PBX1: variants seen among roughly 807,000 people sequenced by gnomAD.
The protein encoded by PBX1 is PBX homeobox 1, also known as pre-B-cell leukemia transcription factor 1.
PBX1 carries 6 observed loss-of-function variants against 53.4 expected under a neutral mutation model. The observed-to-expected ratio is 0.11, with a 90% CI of 0.06 to 0.22. The LOEUF is 0.22. Ranked by LOEUF, PBX1 falls within the 10% of genes least tolerant of loss-of-function variation. The pLI, the probability that PBX1 is intolerant of heterozygous loss-of-function variation, is 1.00. For missense variants in PBX1, 251 were observed against 551.4 expected, an observed-to-expected ratio of 0.46 and a Z score of 5.46; for synonymous variants, 204 against 212.3, an observed-to-expected ratio of 0.96 and a Z score of 0.34.
intron 2 of PBX1, among the ~76,000 whole-genome samples, chr1:164,635,076 T>G (rs1658665862): frequency 1.9e-5 from 2 of 104,290 alleles, no homozygotes; most frequent in South Asian, 3.5e-4. Context: ...GGTAGAAGTG[T>G]GTGTGGGGGA....
chr1:164,625,066 C>T (rs909944271), intron 2 of PBX1, among the ~76,000 whole-genome samples: 4 of 152,156 alleles, frequency 2.6e-5, no homozygotes, highest in Admixed American at 6.5e-5. Context: ...GAACATGTTA[C>T]ACCATGTAGA....
At chr1:164,786,716 TGTGTGC>T (rs755393333) in intron 2 of PBX1, among the ~76,000 whole-genome samples, 46 of 99,344 alleles carry the variant, frequency 4.6e-4, no homozygotes, top group Admixed American at 1.1e-3. Context: ...TGTGTGTGTG[TGTGTGC>T]GCGCGCACAC....
At chr1:164,600,496 G>T (rs1315488144) in intron 2 of PBX1, among the ~76,000 whole-genome samples, 1 of 152,030 alleles carries the variant, frequency 6.6e-6, no homozygotes, top group African/African-American at 2.4e-5. Flanking sequence ...TGATCTACCC[G>T]CCTCAGCCTC....
chr1:164,691,080 T>C (rs1222025887), intron 2 of PBX1, among the ~76,000 whole-genome samples: 1 of 138,312 alleles, frequency 7.2e-6, no homozygotes, highest in Non-Finnish European at 1.5e-5. Flanking sequence ...AGTGGTGCAA[T>C]CTCGGCTCAC....
intron 2 of PBX1, among the ~76,000 whole-genome samples, chr1:164,697,540 GT>G (rs1306421904): frequency 6.6e-6 from 1 of 152,078 alleles, no homozygotes; most frequent in Non-Finnish European, 1.5e-5. Context: ...AACAAAAACT[GT>G]GTTTACCTAT....
At chr1:164,823,175 A>G (rs1369383190) in intron 8 of PBX1, among the ~76,000 whole-genome samples, 1 of 152,192 alleles carries the variant, frequency 6.6e-6, no homozygotes, top group Admixed American at 6.5e-5. Context: ...TTTTTAGGAC[A>G]GAGAGATTCT....
intron 2 of PBX1, among the ~76,000 whole-genome samples, chr1:164,762,823 A>G (rs896261539): frequency 7.9e-5 from 12 of 152,220 alleles, no homozygotes; most frequent in Non-Finnish European, 1.5e-4. Context: ...TTTTCTGCTA[A>G]TATCAAATCT....
chr1:164,776,899 TTGTGTGTGTG>T (rs368787176), intron 2 of PBX1, among the ~76,000 whole-genome samples: 77 of 97,158 alleles, frequency 7.9e-4, no homozygotes, highest in Admixed American at 5.6e-4. Flanking sequence ...GGTTTTACAT[TTGTGTGTGTG>T]TGTGTGTGTG....
intron 3 of PBX1, 147 bp downstream of exon 3, chr1:164,792,885 C>T (rs1367532391): frequency 3.1e-6 from 2 of 652,354 alleles, no homozygotes; most frequent in African/African-American, 3.6e-5. Flanking sequence ...GCCACAGAGC[C>T]CTGGCCAAAC....
At chr1:164,816,209 A>G (rs1669873272) in intron 6 of PBX1, 1 of 152,230 alleles carries the variant, frequency 6.6e-6, no homozygotes, top group East Asian at 1.9e-4. Flanking sequence ...TTTCACATTC[A>G]ACCAGACAAC....
chr1:164,588,759 T>C (rs1655138531), intron 2 of PBX1, among the ~76,000 whole-genome samples: 1 of 152,056 alleles, frequency 6.6e-6, no homozygotes. Flanking sequence ...GCCCACAGCA[T>C]GGGCCCAACA....
At chr1:164,823,627 G>T (rs1313114878) in intron 8 of PBX1, among the ~76,000 whole-genome samples, 2 of 115,010 alleles carry the variant, frequency 1.7e-5, no homozygotes, top group Admixed American at 9.1e-5. Flanking sequence ...TGGGGGGGGG[G>T]GTCAACACTG....
At chr1:164,594,392 T>G (rs1401652238) in intron 2 of PBX1, among the ~76,000 whole-genome samples, 1 of 152,136 alleles carries the variant, frequency 6.6e-6, no homozygotes, top group Non-Finnish European at 1.5e-5. Context: ...CCTCCTGGGT[T>G]CAAGCGATTC....
chr1:164,700,868 A>G (rs1397287638), intron 2 of PBX1, among the ~76,000 whole-genome samples: 1 of 152,072 alleles, frequency 6.6e-6, no homozygotes, highest in Non-Finnish European at 1.5e-5. Flanking sequence ...TCTGCCTCTG[A>G]CAGTTGCCTG....
chr1:164,782,488 G>A (rs950184903), intron 2 of PBX1, among the ~76,000 whole-genome samples: 15 of 152,168 alleles, frequency 9.9e-5, no homozygotes, highest in Non-Finnish European at 1.8e-4. Flanking sequence ...ATCATGGATC[G>A]CGTTAAGACT....
chr1:164,625,240 A>G (rs548392299), intron 2 of PBX1, among the ~76,000 whole-genome samples: 1 of 152,318 alleles, frequency 6.6e-6, no homozygotes, highest in South Asian at 2.1e-4. Flanking sequence ...TTCAGTGTGA[A>G]AATGCCCCAA....
intron 2 of PBX1, among the ~76,000 whole-genome samples, chr1:164,790,874 T>TA (rs1668468629): frequency 6.6e-6 from 1 of 152,140 alleles, no homozygotes; most frequent in Admixed American, 6.5e-5. Context: ...CCTTCCCTGT[T>TA]ACAACCCGAA....
intron 8 of PBX1, among the ~76,000 whole-genome samples, chr1:164,822,198 A>G (rs1056448598): frequency 2.0e-5 from 3 of 152,030 alleles, no homozygotes; most frequent in African/African-American, 7.2e-5. Flanking sequence ...TGTCGCACAG[A>G]GTGAAATCGA....
chr1:164,751,622 G>A (rs1054345598), intron 2 of PBX1, among the ~76,000 whole-genome samples: 12 of 128,676 alleles, frequency 9.3e-5, no homozygotes, highest in African/African-American at 1.2e-4. Flanking sequence ...TTGCTCTGTC[G>A]CCCAGCCTAG....
Sources: allele counts gnomAD v4.1 joint callset (sites outside exome capture counted in the v4.1 genomes callset), GRCh38; gene constraint gnomAD v4.1.1; transcripts MANE v1.5; gene names NCBI Gene and HGNC (gene_info 2026-07-23, HGNC 2026-07-21).